Variants in GBE1 observed in about 807,000 individuals in gnomAD.
The protein encoded by GBE1 is 1,4-alpha-glucan-branching enzyme.
A neutral mutation model predicts 88.8 loss-of-function variants in GBE1; 70 were observed. The observed-to-expected ratio is 0.79, with a 90% CI of 0.65 to 0.96. GBE1 has a LOEUF of 0.96. Ranked by LOEUF, GBE1 falls within the 40% of genes least tolerant of loss-of-function variation. The pLI, the probability that GBE1 is intolerant of heterozygous loss-of-function variation, is 0.00. For synonymous variants in GBE1, 284 were observed against 300.1 expected (o/e 0.95, Z 0.56); for missense variants, 872 against 871.0 (o/e 1.00, Z -0.01).
chr3:81,625,852 G>A (rs1025187293), intron 7 of GBE1, among the ~76,000 whole-genome samples: 3 of 152,144 alleles, frequency 2.0e-5, no homozygotes, highest in Non-Finnish European at 4.4e-5. Flanking sequence ...AAGGTAATGA[G>A]AAAGAAAGAG....
At chr3:81,552,338 C>T (rs553082149) in intron 12 of GBE1, among the ~76,000 whole-genome samples, 6 of 151,884 alleles carry the variant, frequency 4.0e-5, no homozygotes, top group African/African-American at 9.7e-5. Context: ...GCCAGCATGG[C>T]GAAATCCTGT....
intron 12 of GBE1, among the ~76,000 whole-genome samples, chr3:81,554,746 C>T (rs1326792777): frequency 6.6e-6 from 1 of 152,176 alleles, no homozygotes; most frequent in Non-Finnish European, 1.5e-5. Flanking sequence ...TGGTATCATT[C>T]CAGGCTGGTG....
chr3:81,513,224 T>G (rs1253736922), intron 14 of GBE1, among the ~76,000 whole-genome samples: 2 of 150,512 alleles, frequency 1.3e-5, no homozygotes, highest in Non-Finnish European at 3.0e-5. Flanking sequence ...AAAGATAACA[T>G]GAAGAATAGG....
chr3:81,618,204 C>G (rs1704276480), intron 7 of GBE1, among the ~76,000 whole-genome samples: 1 of 152,038 alleles, frequency 6.6e-6, no homozygotes, highest in South Asian at 2.1e-4. Context: ...CTGAGAATGT[C>G]TTAATTTGAT....
At chr3:81,556,719 A>G (rs1255844558) in intron 12 of GBE1, among the ~76,000 whole-genome samples, 1 of 152,124 alleles carries the variant, frequency 6.6e-6, no homozygotes, top group East Asian at 1.9e-4. Flanking sequence ...TTAATTACAA[A>G]TTATATTGCA....
chr3:81,602,958 A>G (rs1704053073), intron 7 of GBE1, among the ~76,000 whole-genome samples: 1 of 152,128 alleles, frequency 6.6e-6, no homozygotes, highest in Admixed American at 6.5e-5. Context: ...TCATGCCCCA[A>G]TTCTTGTCGT....
intron 14 of GBE1, among the ~76,000 whole-genome samples, chr3:81,511,867 G>GAA (rs35931209): frequency 5.3e-5 from 6 of 112,508 alleles, no homozygotes; most frequent in South Asian, 2.8e-4. Flanking sequence ...TGTCCTACAA[G>GAA]AAAAAAAAAA....
chr3:81,679,080 T>C (rs1237328980), intron 2 of GBE1, among the ~76,000 whole-genome samples: 2 of 152,108 alleles, frequency 1.3e-5, no homozygotes, highest in Middle Eastern at 3.2e-3. Context: ...TAGCTAAATA[T>C]TGATAAGTGT....
chr3:81,722,915 T>TATATATATATATATAC (rs1347664692), intron 1 of GBE1, among the ~76,000 whole-genome samples: 59 of 145,466 alleles, frequency 4.1e-4, no homozygotes, highest in Admixed American at 9.6e-4. Context: ...TATATATATA[T>TATATATATATATATAC]ACACACAAGT....
chr3:81,696,995 A>C (rs542170130), intron 2 of GBE1, among the ~76,000 whole-genome samples: 1 of 152,170 alleles, frequency 6.6e-6, no homozygotes, highest in African/African-American at 2.4e-5. Context: ...GCAGACACCA[A>C]CTGGGTGTCC....
At chr3:81,564,931 A>G (rs868060879) in intron 12 of GBE1, among the ~76,000 whole-genome samples, 14 of 152,152 alleles carry the variant, frequency 9.2e-5, no homozygotes, top group African/African-American at 3.4e-4. Flanking sequence ...CCTTACACTC[A>G]GCGATTCTGT....
At chr3:81,561,117 TCA>T (rs1703410662) in intron 12 of GBE1, among the ~76,000 whole-genome samples, 1 of 152,020 alleles carries the variant, frequency 6.6e-6, no homozygotes, top group Non-Finnish European at 1.5e-5. Context: ...CTATCATTAC[TCA>T]GTTTACAAAC....
At chr3:81,534,618 CA>C (rs1386427746) in intron 14 of GBE1, 2 of 151,926 alleles carry the variant, frequency 1.3e-5, no homozygotes, top group African/African-American at 4.8e-5. Flanking sequence ...GGAGAAGAAA[CA>C]GAAAAAGGAA....
chr3:81,643,112 A>C (rs1576182371), intron 6 of GBE1, 122 bp from the exon 7 acceptor site: 1 of 686,020 alleles, frequency 1.5e-6, no homozygotes, highest in East Asian at 2.8e-5. Context: ...AGCATGTGAC[A>C]TGATACCTGG....
chr3:81,536,573 A>T (rs1353766568), intron 13 of GBE1, among the ~76,000 whole-genome samples: 1 of 152,060 alleles, frequency 6.6e-6, no homozygotes, highest in East Asian at 1.9e-4. Context: ...TACATAAAAA[A>T]GTGTTCCAAA....
intron 2 of GBE1, among the ~76,000 whole-genome samples, chr3:81,683,527 A>C (rs560727636): frequency 1.3e-5 from 2 of 152,330 alleles, no homozygotes; most frequent in Admixed American, 1.3e-4. Context: ...AACAACATTC[A>C]AAGCTATAAA....
chr3:81,536,998 G>C lies in GBE1; in HGVS notation c.1716C>G (p.Asp572Glu). 6.3e-7 allele frequency: 1 copy of C among 1,591,790 alleles called. No individual in the cohort carries two copies. The highest frequency in any genetic ancestry group is 8.5e-7 in the Non-Finnish European group (1 of 1,170,248). Residue 572 changes from aspartate to glutamate, a missense_variant, in exon 13 of 16, where the codon GAC becomes GAG. Coordinates refer to ENST00000429644, the MANE Select transcript of GBE1 (RefSeq NM_000158.4). ...YARRQFHLTD[D>E]DLLRYKFLNN... The stretch of plus-strand genomic sequence containing the variant: ...TTAGGAACTTGTAGCGAAGAAGGTC[G>C]TCGTCAGTTAAATGAAACTGCCGCC...
At chr3:81,597,481 A>AT (rs1480414824) in intron 7 of GBE1, among the ~76,000 whole-genome samples, 15 of 126,352 alleles carry the variant, frequency 1.2e-4, no homozygotes, top group East Asian at 8.4e-4. Flanking sequence ...ATATATCTCA[A>AT]AATATATATA....
chr3:81,662,218 G>T (rs1705042269), intron 3 of GBE1, among the ~76,000 whole-genome samples: 1 of 151,928 alleles, frequency 6.6e-6, no homozygotes, highest in South Asian at 2.1e-4. Context: ...TTTTTACAGA[G>T]ACCTGTTTTC....
Sources: allele counts gnomAD v4.1 joint callset (sites outside exome capture counted in the v4.1 genomes callset), GRCh38; gene constraint gnomAD v4.1.1; transcripts MANE v1.5; gene names NCBI Gene and HGNC (gene_info 2026-07-23, HGNC 2026-07-21).